The following C10orf90 variants were observed in gnomAD, a reference collection of about 807,000 sequenced individuals.
C10orf90 encodes chromosome 10 open reading frame 90, also known as (E2-independent) E3 ubiquitin-conjugating enzyme FATS.
A neutral mutation model predicts 62.5 loss-of-function variants in C10orf90; 56 were observed. The ratio of observed to expected loss-of-function variants is 0.90; its 90% confidence interval spans 0.72 to 1.12. The LOEUF is 1.12. Among genes scored for constraint, C10orf90 ranks in the 50% most tolerant of loss-of-function variants. The pLI is 0.00. For synonymous variants in C10orf90, 386 were observed against 340.4 expected (o/e 1.13, Z -1.47); for missense variants, 970 against 880.4 (o/e 1.10, Z -1.29).
intron 1 of C10orf90, among the ~76,000 whole-genome samples, chr10:126,667,278 T>A (rs1846650128): frequency 1.3e-5 from 2 of 152,008 alleles, no homozygotes; most frequent in African/African-American, 4.8e-5. Context: ...CAGGATGGTC[T>A]TGATCTCCTG....
chr10:126,495,913 C>T lies in C10orf90; in HGVS notation c.1534+8044G>A, dbSNP rs181751587. On this transcript the variant is annotated intron_variant, in intron 4 of 9. Coordinates refer to ENST00000488181, the MANE Select transcript of C10orf90 (RefSeq NM_001350921.2). ...ATGATAATTACAAAATGGTTTGAGT[C>T]CCCACCATGAGCCCAACTGCTCGGC... Among the ~76,000 whole-genome samples the T allele has an allele frequency of 1.3e-4, 20 of 152,254 alleles. No individual in the cohort carries two copies. The East Asian group carries it at 2.7e-3, about 21-fold the overall frequency.
intron 2 of C10orf90, among the ~76,000 whole-genome samples, chr10:126,582,528 G>A (rs909067201): frequency 4.6e-5 from 7 of 152,206 alleles, no homozygotes; most frequent in Non-Finnish European, 1.0e-4. Flanking sequence ...TGATCTTGGG[G>A]AACGGCGAGA....
intron 2 of C10orf90, among the ~76,000 whole-genome samples, chr10:126,624,535 C>T (rs1441875733): frequency 6.6e-6 from 1 of 152,098 alleles, no homozygotes; most frequent in Non-Finnish European, 1.5e-5. Context: ...AGGCTAAGAA[C>T]CAGACTTGGA....
intron 2 of C10orf90, among the ~76,000 whole-genome samples, chr10:126,631,837 G>A (rs1435706688): frequency 2.6e-5 from 4 of 151,852 alleles, no homozygotes; most frequent in African/African-American, 7.3e-5. Flanking sequence ...AGACAGTCAC[G>A]AAAGAACCAC....
chr10:126,564,834 A>C (rs111838300), intron 2 of C10orf90, among the ~76,000 whole-genome samples: 707 of 2,872 alleles, frequency 0.25, 197 homozygotes, highest in East Asian at 0.58. Flanking sequence ...CTCTCTCTCT[A>C]TATATATATT....
At chr10:126,470,180 T>C in intron 4 of C10orf90, 1 of 396,316 alleles carries the variant, frequency 2.5e-6, no homozygotes, top group Non-Finnish European at 5.1e-6. Context: ...AGAGAAGGCA[T>C]TTTTCTGCAT....
intron 8 of C10orf90, among the ~76,000 whole-genome samples, chr10:126,426,528 C>T (rs1162566488): frequency 1.3e-5 from 2 of 152,176 alleles, no homozygotes; most frequent in African/African-American, 4.8e-5. Flanking sequence ...AGAAAAGGAA[C>T]AGCATATAAA....
At chr10:126,515,387 A>G (rs77289617) in intron 2 of C10orf90, among the ~76,000 whole-genome samples, 8,692 of 152,260 alleles carry the variant, frequency 0.057, 810 homozygotes, top group African/African-American at 0.19. Flanking sequence ...GAATTGTCCT[A>G]TACAGGTAGG....
At chr10:126,506,949 C>A (rs1007906339) in intron 3 of C10orf90, among the ~76,000 whole-genome samples, 1 of 147,948 alleles carries the variant, frequency 6.8e-6, no homozygotes, top group Non-Finnish European at 1.5e-5. Context: ...TGTGTGCGTG[C>A]GTGTGTGATC....
At chr10:126,610,395 G>A (rs1003239212) in intron 2 of C10orf90, among the ~76,000 whole-genome samples, 1 of 152,314 alleles carries the variant, frequency 6.6e-6, no homozygotes, top group South Asian at 2.1e-4. Flanking sequence ...GAGCCCCAGG[G>A]CTCTGCAGTT....
At chr10:126,638,342 G>A (rs999964186) in intron 2 of C10orf90, among the ~76,000 whole-genome samples, 1 of 152,106 alleles carries the variant, frequency 6.6e-6, no homozygotes, top group African/African-American at 2.4e-5. Flanking sequence ...TACATTCCCA[G>A]TCACCAAAAT....
At chr10:126,555,522 A>G (rs888045099) in intron 2 of C10orf90, among the ~76,000 whole-genome samples, 1 of 8,950 alleles carries the variant, frequency 1.1e-4, no homozygotes, top group Non-Finnish European at 2.2e-4. Context: ...AAAAAAAAAA[A>G]CAAAAAATTA....
chr10:126,654,370 C>T (rs973945142), intron 1 of C10orf90, among the ~76,000 whole-genome samples: 1 of 152,214 alleles, frequency 6.6e-6, no homozygotes, highest in Non-Finnish European at 1.5e-5. Context: ...GTTGCTGCTT[C>T]GCCGTGCACT....
intron 2 of C10orf90, among the ~76,000 whole-genome samples, chr10:126,575,288 G>C (rs1844587423): frequency 1.3e-5 from 2 of 151,742 alleles, no homozygotes; most frequent in Non-Finnish European, 2.9e-5. Flanking sequence ...GAACTGAGCT[G>C]AAAAAGAAAT....
At chr10:126,455,227 C>T (rs926712770) in intron 7 of C10orf90, among the ~76,000 whole-genome samples, 1 of 152,168 alleles carries the variant, frequency 6.6e-6, no homozygotes, top group South Asian at 2.1e-4. Context: ...TCTTTGGCCC[C>T]TTTGCCTCCC....
intron 2 of C10orf90, among the ~76,000 whole-genome samples, chr10:126,612,025 A>G (rs1432867717): frequency 6.6e-6 from 1 of 152,264 alleles, no homozygotes; most frequent in Non-Finnish European, 1.5e-5. Flanking sequence ...TCATATTTCA[A>G]GTGCTCAAGA....
chr10:126,565,203 T>A (rs111218098), intron 2 of C10orf90, among the ~76,000 whole-genome samples: 656 of 24,490 alleles, frequency 0.027, 30 homozygotes, highest in Admixed American at 0.066. Context: ...ATATTACATA[T>A]TATGTAATAT....
intron 1 of C10orf90, among the ~76,000 whole-genome samples, chr10:126,665,312 G>A (rs890180064): frequency 6.6e-6 from 1 of 152,140 alleles, no homozygotes; most frequent in Non-Finnish European, 1.5e-5. Flanking sequence ...AACTTGGTCT[G>A]GAAATAGGGA....
chr10:126,532,483 T>G (rs564777305), intron 2 of C10orf90, among the ~76,000 whole-genome samples: 3 of 152,102 alleles, frequency 2.0e-5, no homozygotes, highest in South Asian at 4.2e-4. Flanking sequence ...TTACAGAGTT[T>G]AATCAAAGTG....
Sources: allele counts gnomAD v4.1 joint callset (sites outside exome capture counted in the v4.1 genomes callset), GRCh38; gene constraint gnomAD v4.1.1; transcripts MANE v1.5; gene names NCBI Gene and HGNC (gene_info 2026-07-23, HGNC 2026-07-21).